Variants in LUZP2 observed in about 807,000 individuals in gnomAD.
LUZP2 encodes leucine zipper protein 2.
LUZP2 carries 52 observed loss-of-function variants against 51.6 expected under a neutral mutation model. That is an observed-to-expected ratio of 1.01 (90% CI 0.81 to 1.27). LUZP2 has a LOEUF of 1.27. Among genes scored for constraint, LUZP2 ranks in the 50% most tolerant of loss-of-function variants. The probability of loss-of-function intolerance (pLI) is 0.00; values close to 1 mark genes in which losing one functional copy is unlikely to be tolerated. For missense variants in LUZP2, 436 were observed against 395.4 expected (o/e 1.10, Z -0.87); for synonymous variants, 154 against 137.3 (o/e 1.12, Z -0.85).
intron 7 of LUZP2, among the ~76,000 whole-genome samples, chr11:24,957,940 C>A (rs942823784): frequency 6.6e-6 from 1 of 152,130 alleles, no homozygotes; most frequent in African/African-American, 2.4e-5. Context: ...TGTGATGTTC[C>A]CCTTCCTGTG....
intron 1 of LUZP2, among the ~76,000 whole-genome samples, chr11:24,572,876 A>T (rs948493448): frequency 6.6e-6 from 1 of 152,048 alleles, no homozygotes; most frequent in Non-Finnish European, 1.5e-5. Context: ...AAAGAAGAAA[A>T]ATCTGTTTTT....
chr11:24,959,710 G>A (rs1855333353), intron 7 of LUZP2, among the ~76,000 whole-genome samples: 1 of 152,122 alleles, frequency 6.6e-6, no homozygotes, highest in Non-Finnish European at 1.5e-5. Flanking sequence ...GGGACAATTT[G>A]ACTTCCTCTT....
chr11:24,544,504 T>C (rs1281469808), intron 1 of LUZP2, among the ~76,000 whole-genome samples: 1 of 152,098 alleles, frequency 6.6e-6, no homozygotes, highest in East Asian at 1.9e-4. Flanking sequence ...TGAGTTCTCA[T>C]CATTTAGCTC....
At position 24,636,408 on chromosome 11, in the gene LUZP2, A is replaced by AC. The variant is rs1192057893; in HGVS notation, c.63-92759dup. Reference sequence around the variant, plus strand: ...CAGGGGTTAAGAGGGTGGATTCTGAACCTAGACTGCTTGGGCTCAAATCCA... The same window carrying AC: ...CAGGGGTTAAGAGGGTGGATTCTGAACCCTAGACTGCTTGGGCTCAAATCCA... On this transcript the variant is annotated intron_variant, in intron 1 of 11. Transcript: ENST00000336930. Among the ~76,000 whole-genome samples, 14 of 152,304 alleles carry AC rather than the reference A, an allele frequency of 9.2e-5. 1 individual carries two copies. The highest frequency in any genetic ancestry group is 3.4e-3 in the Middle Eastern group (1 of 294).
chr11:24,576,298 A>C (rs977999853), intron 1 of LUZP2, among the ~76,000 whole-genome samples: 59 of 151,444 alleles, frequency 3.9e-4, no homozygotes, highest in African/African-American at 1.4e-3. Flanking sequence ...CTGTAACCCC[A>C]GCTATTCAGG....
At chr11:24,921,099 C>A (rs1329925354) in intron 7 of LUZP2, among the ~76,000 whole-genome samples, 1 of 151,876 alleles carries the variant, frequency 6.6e-6, no homozygotes, top group Non-Finnish European at 1.5e-5. Flanking sequence ...TGGTCTCCCA[C>A]TGATAGGATT....
At chr11:24,623,341 T>C (rs1237855738) in intron 1 of LUZP2, among the ~76,000 whole-genome samples, 2 of 152,308 alleles carry the variant, frequency 1.3e-5, no homozygotes, top group East Asian at 3.9e-4. Flanking sequence ...TGAGGAAGAA[T>C]GTCAGTATGC....
intron 5 of LUZP2, among the ~76,000 whole-genome samples, chr11:24,778,090 C>T (rs932060010): frequency 4.6e-5 from 7 of 151,784 alleles, no homozygotes; most frequent in East Asian, 1.9e-4. Flanking sequence ...CAAAATGGTG[C>T]GAAGATTTTC....
chr11:24,956,964 G>A (rs776549879), intron 7 of LUZP2, among the ~76,000 whole-genome samples: 1 of 152,090 alleles, frequency 6.6e-6, no homozygotes, highest in African/African-American at 2.4e-5. Context: ...TTTTGCTAAA[G>A]TAATATTCCA....
intron 7 of LUZP2, among the ~76,000 whole-genome samples, chr11:24,966,532 A>G (rs1207723333): frequency 2.0e-5 from 3 of 150,256 alleles, no homozygotes; most frequent in African/African-American, 7.3e-5. Context: ...ATTTAGGTCA[A>G]TAATTCATTT....
At chr11:24,841,942 A>G (rs1851044939) in intron 5 of LUZP2, among the ~76,000 whole-genome samples, 1 of 152,076 alleles carries the variant, frequency 6.6e-6, no homozygotes, top group African/African-American at 2.4e-5. Flanking sequence ...GTAGCATATA[A>G]ATATTAGCAT....
At chr11:24,667,184 C>CTTTTTTTTT (rs199740839) in intron 1 of LUZP2, among the ~76,000 whole-genome samples, 25 of 132,036 alleles carry the variant, frequency 1.9e-4, no homozygotes, top group African/African-American at 4.1e-4. Context: ...TTCTTTTTTT[C>CTTTTTTTTT]TTTTTTTTTT....
intron 1 of LUZP2, among the ~76,000 whole-genome samples, chr11:24,726,676 G>T (rs569358229): frequency 6.6e-6 from 1 of 151,896 alleles, no homozygotes; most frequent in Non-Finnish European, 1.5e-5. Flanking sequence ...TGGAAACACC[G>T]TAAATTATCA....
chr11:24,796,953 C>A (rs1236704502), intron 5 of LUZP2, among the ~76,000 whole-genome samples: 2 of 152,082 alleles, frequency 1.3e-5, no homozygotes, highest in African/African-American at 2.4e-5. Context: ...TTGGAGACAA[C>A]AAAGCATGGT....
chr11:25,068,951 C>T (rs4923238), intron 10 of LUZP2, among the ~76,000 whole-genome samples: 79,875 of 151,712 alleles, frequency 0.53, 21,691 homozygotes, highest in African/African-American at 0.6. Context: ...TCAGTTCATC[C>T]TTCATGAAGA....
At chr11:24,780,960 A>C (rs372971160) in intron 5 of LUZP2, among the ~76,000 whole-genome samples, 66 of 152,174 alleles carry the variant, frequency 4.3e-4, no homozygotes, top group African/African-American at 1.5e-3. Flanking sequence ...TTATGTGAAG[A>C]AATAGAGGGA....
chr11:24,647,236 A>G (rs1156797786), intron 1 of LUZP2, among the ~76,000 whole-genome samples: 1 of 151,976 alleles, frequency 6.6e-6, no homozygotes, highest in Non-Finnish European at 1.5e-5. Context: ...TTTAGCACCT[A>G]CTTAATTCAA....
At chr11:24,852,600 T>C (rs1481654918) in intron 5 of LUZP2, among the ~76,000 whole-genome samples, 4 of 147,424 alleles carry the variant, frequency 2.7e-5, no homozygotes, top group Non-Finnish European at 6.0e-5. Context: ...GGTGGAGAAT[T>C]TTGTAGATTA....
Position 24,729,149 on chromosome 11 carries a change from G to C in LUZP2, c.63-20G>C. 7.2e-7 allele frequency: 1 copy of C among 1,380,600 alleles called. No homozygotes were observed. Among genetic ancestry groups the C allele is most frequent in the Non-Finnish European group, 9.8e-7 (1 of 1,016,912 alleles). The allele number at this position is 1,380,600 out of a possible 1,614,324, so 85.5% of individuals were successfully genotyped here. On this transcript the variant is annotated intron_variant, in intron 1 of 11. Transcript: ENST00000336930. ...GTGGAACCATTTGGGGGGCTCTCAT[G>C]CCTGTTCTTTCTGTGTTAGACAGGA...
Sources: allele counts gnomAD v4.1 joint callset (sites outside exome capture counted in the v4.1 genomes callset), GRCh38; gene constraint gnomAD v4.1.1; transcripts MANE v1.5; gene names NCBI Gene and HGNC (gene_info 2026-07-23, HGNC 2026-07-21).